The following DNAJC7 variants were observed in gnomAD, a reference collection of about 807,000 sequenced individuals.
DNAJC7 encodes dnaJ homolog subfamily C member 7.
A neutral mutation model predicts 67.4 loss-of-function variants in DNAJC7; 18 were observed. That is an observed-to-expected ratio of 0.27 (90% CI 0.18 to 0.40). The LOEUF is 0.40. Among genes scored for constraint, DNAJC7 ranks in the 10% least tolerant of loss-of-function variants. The pLI is 1.00. For synonymous variants in DNAJC7, 220 were observed against 207.8 expected, an observed-to-expected ratio of 1.06 and a Z score of -0.50; for missense variants, 419 against 613.8, an observed-to-expected ratio of 0.68 and a Z score of 3.35.
At chr17:42,010,560 G>A (rs1453542049) in intron 1 of DNAJC7, among the ~76,000 whole-genome samples, 1 of 152,076 alleles carries the variant, frequency 6.6e-6, no homozygotes, top group Non-Finnish European at 1.5e-5. Flanking sequence ...GTGGAGATGG[G>A]AACTAGAGTG....
Position 41,977,342 on chromosome 17 carries a change from A to G in DNAJC7, c.1385-19T>C. The G allele has an allele frequency of 1.9e-6, 3 of 1,568,482 alleles. No individual in the cohort carries two copies. The highest frequency in any genetic ancestry group is 2.6e-6 in the Non-Finnish European group (3 of 1,155,616). On this transcript the variant is annotated intron_variant, in intron 12 of 13. Transcript: ENST00000457167. ...TCAAAATCTGTAGAGCAGGGCAAGT[A>G]ACATGGAAGGGAAGAAAAGGTGAAA...
Position 41,976,596 on chromosome 17 carries a change from C to T in DNAJC7, c.*137G>A. The stretch of plus-strand genomic sequence containing the variant: ...CTTTGCTCCACCCCACTCACAGAGA[C>T]ACAGGGCATCCAACTGAGAAAACGA... On this transcript the variant is annotated 3_prime_UTR_variant, in exon 14 of 14. Coordinates refer to ENST00000457167, the MANE Select transcript of DNAJC7 (RefSeq NM_003315.4). 8.9e-7 allele frequency: 1 copy of T among 1,126,338 alleles called. No homozygotes were observed. The highest frequency in any genetic ancestry group is 2.7e-5 in the East Asian group (1 of 37,192). The allele number at this position is 1,126,338 out of a possible 1,614,324, so 69.8% of individuals were successfully genotyped here.
chr17:42,015,899 T>C (rs143219317), intron 1 of DNAJC7: 1 of 152,126 alleles, frequency 6.6e-6, no homozygotes, highest in Admixed American at 6.6e-5. Flanking sequence ...CTATTTACAG[T>C]ATAAAGAACC....
chr17:42,008,205 G>C (rs897958624), intron 1 of DNAJC7, among the ~76,000 whole-genome samples: 1 of 150,038 alleles, frequency 6.7e-6, no homozygotes, highest in South Asian at 2.1e-4. Context: ...CCACCTATTC[G>C]GGAGGCTGAG....
chr17:42,011,204 A>G (rs1400650715), intron 1 of DNAJC7: 2 of 152,176 alleles, frequency 1.3e-5, no homozygotes, highest in African/African-American at 2.4e-5. Flanking sequence ...CCAAACTTCT[A>G]AAGTCCCGAA....
intron 11 of DNAJC7, 84 bp downstream of exon 11, chr17:41,982,171 A>G: frequency 6.4e-7 from 1 of 1,574,052 alleles, no homozygotes; most frequent in Non-Finnish European, 8.6e-7. Context: ...GGACCTCTCC[A>G]AGGGGTCCCC....
intron 1 of DNAJC7, chr17:42,016,989 G>T: frequency 7.9e-7 from 1 of 1,259,226 alleles, no homozygotes; most frequent in Non-Finnish European, 1.0e-6. Context: ...GAACGCGGGG[G>T]TCGGGGGCGA....
intron 7 of DNAJC7, 143 bp from the exon 8 acceptor site, chr17:41,989,039 C>T: frequency 9.8e-7 from 1 of 1,022,026 alleles, no homozygotes; most frequent in Non-Finnish European, 1.4e-6. Context: ...TCTGGGCTAT[C>T]TGTTGCTCAT....
At chr17:41,982,097 G>T in intron 11 of DNAJC7, 90 bp from the exon 12 acceptor site, 1 of 1,566,184 alleles carries the variant, frequency 6.4e-7, no homozygotes. Flanking sequence ...GTCTAATTTT[G>T]GAATTTGGCA....
At chr17:41,998,848 T>C (rs1344384605) in intron 2 of DNAJC7, among the ~76,000 whole-genome samples, 3 of 152,144 alleles carry the variant, frequency 2.0e-5, no homozygotes, top group Admixed American at 6.5e-5. Context: ...ATTTCTGGAA[T>C]TGCCTTTAAT....
intron 12 of DNAJC7, 58 bp from the exon 13 acceptor site, chr17:41,977,381 C>T (rs1321829993): frequency 9.0e-6 from 13 of 1,445,894 alleles, no homozygotes; most frequent in South Asian, 4.9e-5. Context: ...TAGAAATGTT[C>T]GAAGAGAACT....
intron 1 of DNAJC7, among the ~76,000 whole-genome samples, chr17:42,008,680 G>C (rs1229578478): frequency 6.6e-6 from 1 of 152,066 alleles, no homozygotes; most frequent in Non-Finnish European, 1.5e-5. Flanking sequence ...AAAGTGCTGG[G>C]ATTACAGGCG....
intron 1 of DNAJC7, chr17:42,016,967 A>G: frequency 8.2e-7 from 1 of 1,217,004 alleles, no homozygotes. Flanking sequence ...CAATGCACAG[A>G]AGTTAACAAG....
At chr17:42,015,648 T>C (rs1249996549) in intron 1 of DNAJC7, 4 of 150,836 alleles carry the variant, frequency 2.7e-5, no homozygotes, top group Admixed American at 6.6e-5. Flanking sequence ...ATCGAGACCA[T>C]CGTGGCTAAC....
chr17:41,999,063 G>GA (rs2051736541), intron 2 of DNAJC7, among the ~76,000 whole-genome samples: 1 of 151,380 alleles, frequency 6.6e-6, no homozygotes, highest in Non-Finnish European at 1.5e-5. Context: ...AAAAGAAAAA[G>GA]AAAAAAGTTA....
intron 3 of DNAJC7, 85 bp downstream of exon 3, chr17:41,997,030 T>C (rs1240502919): frequency 4.4e-6 from 7 of 1,590,034 alleles, no homozygotes; most frequent in African/African-American, 1.3e-5. Context: ...CAAATGTCAG[T>C]AGTGTCAAGG....
chr17:41,990,304 C>T lies in DNAJC7; in HGVS notation c.559G>A (p.Ala187Thr), dbSNP rs782180594. The change falls in exon 6 of 14, where the codon GCA becomes ACA. Residue 187 changes from alanine to threonine, a missense_variant. Physicochemically the swap from Ala to Thr is moderately conservative, Grantham distance 58 (BLOSUM62 0). Coordinates refer to ENST00000457167, the MANE Select transcript of DNAJC7 (RefSeq NM_003315.4). ...GCTTCTGGATAACGACCCAGCATTG[C>T]TAAACATTCTGCCTTGAGGATTTTG... ...RFKILKAECLAMLGRYPEAQS... is the reference protein window; with the variant it reads ...RFKILKAECLTMLGRYPEAQS... 1.9e-6 allele frequency: 3 copies of T among 1,611,584 alleles called. No homozygotes were observed. Among genetic ancestry groups the T allele is most frequent in the Non-Finnish European group, 2.5e-6 (3 of 1,179,018 alleles).
intron 1 of DNAJC7, chr17:42,015,458 T>A (rs1412541752): frequency 6.6e-6 from 1 of 152,126 alleles, no homozygotes; most frequent in African/African-American, 2.4e-5. Context: ...ATTGAAGAAA[T>A]GTATTTGCTT....
intron 1 of DNAJC7, among the ~76,000 whole-genome samples, chr17:42,010,247 G>A (rs1296102041): frequency 2.0e-5 from 3 of 151,628 alleles, no homozygotes; most frequent in Admixed American, 2.0e-4. Flanking sequence ...ACTTTGGGAG[G>A]CCAAGGCGGG....
Sources: allele counts gnomAD v4.1 joint callset (sites outside exome capture counted in the v4.1 genomes callset), GRCh38; gene constraint gnomAD v4.1.1; transcripts MANE v1.5; gene names NCBI Gene and HGNC (gene_info 2026-07-23, HGNC 2026-07-21).